The following STK32A variants were observed in gnomAD, a reference collection of about 807,000 sequenced individuals.
The protein encoded by STK32A is serine/threonine kinase 32A.
In STK32A, 41 loss-of-function variants were observed where a neutral mutation model predicts 53.2. That is an observed-to-expected ratio of 0.77 (90% CI 0.60 to 1.00). The LOEUF (loss-of-function observed/expected upper bound fraction) is 1.00, where lower values mean the gene tolerates loss of function less well. Ranked by LOEUF, STK32A falls within the 50% of genes least tolerant of loss-of-function variation. The probability of loss-of-function intolerance (pLI) is 0.00; values close to 1 mark genes in which losing one functional copy is unlikely to be tolerated. For synonymous variants in STK32A, 166 were observed against 162.8 expected (o/e 1.02, Z -0.15); for missense variants, 458 against 485.8 (o/e 0.94, Z 0.54).
At chr5:147,307,322 T>C (rs533456785) in intron 4 of STK32A, among the ~76,000 whole-genome samples, 1 of 152,180 alleles carries the variant, frequency 6.6e-6, no homozygotes, top group African/African-American at 2.4e-5. Flanking sequence ...TGTGTTCTCT[T>C]TAAGAAATTT....
At chr5:147,307,209 C>G (rs531363283) in intron 4 of STK32A, among the ~76,000 whole-genome samples, 1 of 151,866 alleles carries the variant, frequency 6.6e-6, no homozygotes, top group Non-Finnish European at 1.5e-5. Flanking sequence ...CAATCTCTGA[C>G]CTTCTTTTTC....
At chr5:147,286,782 A>G (rs1752365538) in intron 4 of STK32A, among the ~76,000 whole-genome samples, 1 of 152,122 alleles carries the variant, frequency 6.6e-6, no homozygotes, top group Non-Finnish European at 1.5e-5. Context: ...GTCAGTTGTC[A>G]CAGTTCCCCT....
intron 2 of STK32A, among the ~76,000 whole-genome samples, chr5:147,273,489 C>T (rs1488568794): frequency 6.6e-6 from 1 of 152,086 alleles, no homozygotes; most frequent in Non-Finnish European, 1.5e-5. Context: ...TTGATTTTAC[C>T]CACTCCTCCA....
At chr5:147,247,280 A>G (rs971005310) in intron 2 of STK32A, among the ~76,000 whole-genome samples, 1 of 152,154 alleles carries the variant, frequency 6.6e-6, no homozygotes, top group Non-Finnish European at 1.5e-5. Context: ...TGAAATATAC[A>G]CGGATTTCTA....
At chr5:147,253,132 A>G (rs1291498646) in intron 2 of STK32A, among the ~76,000 whole-genome samples, 1 of 152,232 alleles carries the variant, frequency 6.6e-6, no homozygotes, top group Non-Finnish European at 1.5e-5. Flanking sequence ...CATTTTAAAC[A>G]TATTTAAATG....
chr5:147,395,506 T>C, the STK32A span: 2 of 1,559,444 alleles, frequency 1.3e-6, no homozygotes, highest in East Asian at 2.4e-5. Flanking sequence ...CCTCAGAACA[T>C]TGATCTTCCC....
intron 5 of STK32A, among the ~76,000 whole-genome samples, chr5:147,341,834 A>G (rs1360104021): frequency 2.6e-5 from 4 of 152,320 alleles, no homozygotes; most frequent in Admixed American, 2.6e-4. Context: ...CTTCAAACAC[A>G]CAATTTTTGG....
Position 147,385,070 on chromosome 5 carries a change from G to T in STK32A, c.*1087G>T, listed in dbSNP as rs1336146873. Reference sequence around the variant, plus strand: ...TTTTGACTTAGTTATTTTTATTTTTGGTCTCATTTTGGCTAATACCAGATG... The same window carrying T: ...TTTTGACTTAGTTATTTTTATTTTTTGTCTCATTTTGGCTAATACCAGATG... On this transcript the variant is annotated 3_prime_UTR_variant, in exon 13 of 13. Transcript: ENST00000397936. 2.0e-5 allele frequency: 3 copies of T among 151,966 alleles called. No individual in the cohort carries two copies. The highest frequency in any genetic ancestry group is 4.4e-5 in the Non-Finnish European group (3 of 67,984). The allele number at this position is 151,966 out of a possible 1,614,324, so 9.4% of individuals were successfully genotyped here.
At chr5:147,247,559 T>C (rs1455114651) in intron 2 of STK32A, among the ~76,000 whole-genome samples, 1 of 152,210 alleles carries the variant, frequency 6.6e-6, no homozygotes, top group Non-Finnish European at 1.5e-5. Context: ...CCTTTGGTTA[T>C]TTACGAGAAT....
At chr5:147,241,094 T>C (rs1014121493) in intron 2 of STK32A, among the ~76,000 whole-genome samples, 1 of 152,290 alleles carries the variant, frequency 6.6e-6, no homozygotes, top group South Asian at 2.1e-4. Flanking sequence ...AAAAGAAGAA[T>C]TAGGAGTTTG....
At position 147,309,614 on chromosome 5, in the gene STK32A, T is replaced by C. The variant is rs569941655; in HGVS notation, c.261-14284T>C. ...TTTGATGAATTGAAAAGCGTAGTTG[T>C]AGAAAGGAAACTCAAGAAGGAAATT... On this transcript the variant is annotated intron_variant, in intron 4 of 12. Transcript: ENST00000397936. Among the ~76,000 whole-genome samples the C allele has an allele frequency of 2.6e-5, 4 of 152,300 alleles. No individual in the cohort carries two copies. In the South Asian group the frequency reaches 8.3e-4, roughly 32 times the overall value.
intron 4 of STK32A, among the ~76,000 whole-genome samples, chr5:147,289,239 G>T (rs1467594713): frequency 6.6e-6 from 1 of 152,002 alleles, no homozygotes; most frequent in Non-Finnish European, 1.5e-5. Flanking sequence ...ATTTAATCAA[G>T]ATTTTATGTC....
At chr5:147,373,113 T>A (rs565176382) in intron 9 of STK32A, 56 bp from the exon 10 acceptor site, 55 of 1,598,710 alleles carry the variant, frequency 3.4e-5, no homozygotes, top group Non-Finnish European at 4.3e-5. Context: ...TTTGTATGAT[T>A]TTTTTTTGTC....
intron 5 of STK32A, among the ~76,000 whole-genome samples, chr5:147,324,476 C>T (rs528130591): frequency 6.6e-6 from 1 of 152,272 alleles, no homozygotes; most frequent in Non-Finnish European, 1.5e-5. Flanking sequence ...TATTTGCTGT[C>T]CTGCAGTCTA....
chr5:147,361,599 AC>A lies in STK32A; in HGVS notation c.646del (p.Leu216CysfsTer2). The A allele has an allele frequency of 6.2e-7, 1 of 1,612,318 alleles. No individual in the cohort carries two copies. The highest frequency in any genetic ancestry group is 1.1e-5 in the South Asian group (1 of 90,874). ...GGTCCCTGGGAGTGACGGCATATGAACTGCTGAGAGGCCGGGTACTGTAGTA... is the reference window on the plus strand; with the variant it reads ...GGTCCCTGGGAGTGACGGCATATGAATGCTGAGAGGCCGGGTACTGTAGTA... ...WWSLGVTAYE[L>X]LRGRRPYHIR... On this transcript the variant is annotated frameshift_variant, in exon 8 of 13. Transcript: ENST00000397936. LOFTEE classifies it high-confidence loss of function.
chr5:147,267,462 G>A (rs1275859513), intron 2 of STK32A, among the ~76,000 whole-genome samples: 2 of 152,242 alleles, frequency 1.3e-5, no homozygotes, highest in African/African-American at 4.8e-5. Flanking sequence ...CTGGGTTTAT[G>A]TAACATATCT....
chr5:147,289,712 GA>G (rs1752513132), intron 4 of STK32A, among the ~76,000 whole-genome samples: 1 of 151,858 alleles, frequency 6.6e-6, no homozygotes, highest in Non-Finnish European at 1.5e-5. Context: ...CAGTCAACTT[GA>G]AAAACAGAAA....
intron 2 of STK32A, among the ~76,000 whole-genome samples, chr5:147,248,114 T>A (rs1580983346): frequency 9.6e-6 from 1 of 104,408 alleles, no homozygotes. Flanking sequence ...AGAGCAAAAC[T>A]CCGTCTCAAA....
chr5:147,374,613 C>A (rs981297377), intron 10 of STK32A, among the ~76,000 whole-genome samples: 2 of 152,064 alleles, frequency 1.3e-5, no homozygotes, highest in African/African-American at 4.8e-5. Flanking sequence ...AATTAGCCAT[C>A]AATGCTGGCT....
Sources: allele counts gnomAD v4.1 joint callset (sites outside exome capture counted in the v4.1 genomes callset), GRCh38; gene constraint gnomAD v4.1.1; transcripts MANE v1.5; gene names NCBI Gene and HGNC (gene_info 2026-07-23, HGNC 2026-07-21).